Variants in CYP27A1 observed in about 807,000 individuals in gnomAD.
CYP27A1 encodes the protein sterol 26-hydroxylase, mitochondrial.
In CYP27A1, 46 loss-of-function variants were observed where a neutral mutation model predicts 58.2. That is an observed-to-expected ratio of 0.79 (90% CI 0.62 to 1.01). CYP27A1 has a LOEUF of 1.01. Among genes scored for constraint, CYP27A1 ranks in the 50% least tolerant of loss-of-function variants. The pLI is 0.00. For synonymous variants in CYP27A1, 274 were observed against 285.1 expected (o/e 0.96, Z 0.39); for missense variants, 704 against 687.0 (o/e 1.02, Z -0.28).
At chr2:218,814,860 T>A in intron 8 of CYP27A1, 51 bp from the exon 9 acceptor site, 1 of 1,613,070 alleles carries the variant, frequency 6.2e-7, no homozygotes, top group Admixed American at 1.7e-5. Context: ...GAGCGGGGAG[T>A]GGATGGCAAA....
intron 8 of CYP27A1, 66 bp from the exon 9 acceptor site, chr2:218,814,845 G>A (rs751264658): frequency 1.3e-5 from 21 of 1,613,956 alleles, no homozygotes; most frequent in Non-Finnish European, 1.5e-5. Context: ...GGGTAGGAGT[G>A]TGCAGAGCGG....
chr2:218,804,899 A>C (rs1395789949), intron 1 of CYP27A1, among the ~76,000 whole-genome samples: 1 of 152,356 alleles, frequency 6.6e-6, no homozygotes, highest in African/African-American at 2.4e-5. Context: ...GTGAGAGATC[A>C]GGGTGCCAGT....
chr2:218,807,195 G>A lies in CYP27A1; in HGVS notation c.256-2382G>A, dbSNP rs1038117312. Among the ~76,000 whole-genome samples, 8 of 152,042 alleles carry A rather than the reference G, an allele frequency of 5.3e-5. No individual in the cohort carries two copies. In the East Asian group the frequency reaches 1.5e-3, roughly 29 times the overall value. On this transcript the variant is annotated intron_variant, in intron 1 of 8. Transcript: ENST00000258415. ...AGGTTGGTCTCGAACTCTTGACCTT[G>A]TGATTTGCCCACCTCAGCCTCCCAA... is the stretch of plus-strand genomic sequence containing the variant.
chr2:218,782,170 G>T lies in CYP27A1; in HGVS notation c.-13G>T, dbSNP rs760374341. On this transcript the variant is annotated 5_prime_UTR_variant, in exon 1 of 9. Coordinates refer to ENST00000258415, the MANE Select transcript of CYP27A1 (RefSeq NM_000784.4). This position sits in a 1 kb window ranked among gnomAD's most constrained non-coding sequence, Gnocchi z 4.1. ...GCACTCGACCCAAAGGTGCAGGCGCGCGAGCACAACCCATGGCTGCGCTGG... is the reference window on the plus strand; with the variant it reads ...GCACTCGACCCAAAGGTGCAGGCGCTCGAGCACAACCCATGGCTGCGCTGG... 61 of 1,534,500 alleles carry T rather than the reference G, an allele frequency of 4.0e-5. No homozygotes were observed. The African/African-American group carries it at 8.0e-4, about 20-fold the overall frequency.
intron 2 of CYP27A1, 70 bp downstream of exon 2, chr2:218,809,837 C>T: frequency 1.4e-6 from 2 of 1,441,150 alleles, no homozygotes; most frequent in Non-Finnish European, 1.9e-6. Context: ...GGGCACAGGG[C>T]AGGCAGGTGG....
intron 1 of CYP27A1, among the ~76,000 whole-genome samples, chr2:218,795,285 G>A (rs554599176): frequency 1.4e-4 from 21 of 152,270 alleles, no homozygotes; most frequent in Non-Finnish European, 2.6e-4. Flanking sequence ...GCTTTGACCC[G>A]AAGCTTGGAA....
intron 1 of CYP27A1, among the ~76,000 whole-genome samples, chr2:218,808,751 G>A (rs1346990673): frequency 2.6e-5 from 4 of 151,866 alleles, no homozygotes; most frequent in Non-Finnish European, 5.9e-5. Flanking sequence ...AGGATTTGTG[G>A]GTTATTTTAA....
Position 218,814,990 on chromosome 2 carries a change from A to G in CYP27A1, c.1556A>G (p.Asn519Ser), listed in dbSNP as rs371510438. 1.8e-5 allele frequency: 29 copies of G among 1,614,044 alleles called. No homozygotes were observed. Among genetic ancestry groups the G allele is most frequent in the Non-Finnish European group, 2.1e-5 (25 of 1,180,010 alleles). The change falls in exon 9 of 9, where the codon AAT (asparagine) becomes AGT (serine). Residue 519 changes from asparagine to serine, a missense_variant. Physicochemically the swap from Asn to Ser is conservative, Grantham distance 46. Transcript: ENST00000258415. Reference protein sequence around the residue: ...KSVARIVLVPNKKVGLQFLQR... With the variant: ...KSVARIVLVPSKKVGLQFLQR... ...GTGGCCCGCATTGTCCTGGTTCCCA[A>G]TAAGAAAGTGGGCCTGCAGTTCCTG...
chr2:218,804,939 G>C (rs1182327297), intron 1 of CYP27A1, among the ~76,000 whole-genome samples: 1 of 152,204 alleles, frequency 6.6e-6, no homozygotes, highest in Non-Finnish European at 1.5e-5. Context: ...CTGTCTTCCT[G>C]GCTTGTAGTT....
intron 3 of CYP27A1, 44 bp from the exon 4 acceptor site, chr2:218,812,508 T>C (rs200870241): frequency 2.5e-6 from 4 of 1,612,562 alleles, no homozygotes; most frequent in South Asian, 2.2e-5. Context: ...GGATTCCATA[T>C]GTCCTGGTTC....
Position 218,814,604 on chromosome 2 carries a change from T to C in CYP27A1, c.1323T>C (p.Pro441=), listed in dbSNP as rs2105981217. 1 of 1,614,196 alleles carries C rather than the reference T, an allele frequency of 6.2e-7. No individual in the cohort carries two copies. Among genetic ancestry groups the C allele is most frequent in the Non-Finnish European group, 8.5e-7 (1 of 1,180,018 alleles). ...VSRDPTAFSE[P]ESFQPHRWLR... is the part of the protein sequence containing the mutation. ...GGGACCCCACTGCCTTCTCTGAGCC[T>C]GAAAGCTTCCAGCCCCACCGCTGGC... The change falls in exon 8 of 9, where the codon CCT becomes CCC. Residue 441 remains proline, a synonymous_variant. Coordinates refer to ENST00000258415, the MANE Select transcript of CYP27A1 (RefSeq NM_000784.4).
At chr2:218,783,858 G>T (rs1381361747) in intron 1 of CYP27A1, among the ~76,000 whole-genome samples, 1 of 152,140 alleles carries the variant, frequency 6.6e-6, no homozygotes, top group Admixed American at 6.5e-5. Context: ...GGGGACTGGG[G>T]ACAGGACTGG....
intron 1 of CYP27A1, among the ~76,000 whole-genome samples, chr2:218,803,350 A>C (rs1039890181): frequency 6.6e-5 from 10 of 152,194 alleles, no homozygotes; most frequent in African/African-American, 2.4e-4. Context: ...CTTATCAGAT[A>C]TATGATTTAC....
chr2:218,792,004 GAATATGGGTTTGACAA>G (rs998065221), intron 1 of CYP27A1, among the ~76,000 whole-genome samples: 1 of 151,982 alleles, frequency 6.6e-6, no homozygotes, highest in African/African-American at 2.4e-5. Flanking sequence ...GTCTTCCCAG[GAATATGGGTTTGACAA>G]ACCAAATATT....
intron 1 of CYP27A1, among the ~76,000 whole-genome samples, chr2:218,786,696 G>A (rs1943443906): frequency 6.6e-6 from 1 of 152,018 alleles, no homozygotes; most frequent in Non-Finnish European, 1.5e-5. Flanking sequence ...GACCCTTCCT[G>A]TGCCCCCCAG....
At chr2:218,806,179 A>G (rs932334463) in intron 1 of CYP27A1, among the ~76,000 whole-genome samples, 1 of 152,268 alleles carries the variant, frequency 6.6e-6, no homozygotes, top group Non-Finnish European at 1.5e-5. Context: ...TCAGATTTTT[A>G]TTAAAATGTT....
rs2105980045 is a variant in CYP27A1, at chr2:218,812,416, T to C, written c.641T>C (p.Leu214Ser). The change falls in exon 3 of 9, where the codon TTG becomes TCG. Residue 214 changes from leucine (L) to serine (S), a missense_variant. By Grantham distance (145) the Leu-to-Ser change is moderately radical. Coordinates refer to ENST00000258415, the MANE Select transcript of CYP27A1 (RefSeq NM_000784.4). ...DMAQLFYYFA[L>S]EAICYILFEK... ...GCTCAACTCTTCTACTACTTTGCCT[T>C]GGAAGGTACCCTTGCTGGGAGAGGG... The C allele has an allele frequency of 1.2e-6, 2 of 1,614,192 alleles. No individual in the cohort carries two copies. The highest frequency in any genetic ancestry group is 1.7e-6 in the Non-Finnish European group (2 of 1,180,000).
At chr2:218,811,980 A>G (rs186438224) in intron 2 of CYP27A1, among the ~76,000 whole-genome samples, 164 of 152,218 alleles carry the variant, frequency 1.1e-3, no homozygotes, top group African/African-American at 3.8e-3. Context: ...ATTTGACCCT[A>G]GACAGTCTGG....
At chr2:218,808,147 G>A (rs796078997) in intron 1 of CYP27A1, among the ~76,000 whole-genome samples, 20 of 152,166 alleles carry the variant, frequency 1.3e-4, no homozygotes, top group African/African-American at 4.1e-4. Context: ...AAATTTGCTC[G>A]TACTTTTGTA....
Sources: gnomAD v4.1 joint callset for allele counts (sites outside exome capture counted in the v4.1 genomes callset) on GRCh38, gnomAD v4.1.1 for gene constraint, Gnocchi (gnomAD v3.1) non-coding constraint, MANE v1.5 for transcripts, NCBI Gene and HGNC (gene_info 2026-07-23, HGNC 2026-07-21) for gene names.